The following MTBP variants were observed in gnomAD, a reference collection of about 807,000 sequenced individuals.
The protein encoded by MTBP is mdm2-binding protein.
A neutral mutation model predicts 117.0 loss-of-function variants in MTBP; 101 were observed. That is an observed-to-expected ratio of 0.86 (90% confidence interval 0.73 to 1.02). MTBP has a LOEUF of 1.02. Ranked by LOEUF, MTBP falls within the 50% of genes least tolerant of loss-of-function variation. The probability of loss-of-function intolerance (pLI) is 0.00; values close to 1 mark genes in which losing one functional copy is unlikely to be tolerated. For synonymous variants in MTBP, 350 were observed against 351.5 expected (o/e 1.00, Z 0.05); for missense variants, 970 against 1,030.9 (o/e 0.94, Z 0.81).
In MTBP at chr8:120,479,439, T is replaced by G. The variant is rs186351170; in HGVS notation, c.1165+8502T>G. ...TAGTCAACAAATATTTTTCTGTGCC[T>G]GCTGTGTGCAAGGTATTACTGTGGT... On this transcript the variant is annotated intron_variant, in intron 11 of 21. Transcript: ENST00000305949. 4.0e-3 allele frequency among the ~76,000 whole-genome samples: 611 copies of G among 152,332 alleles called. 4 individuals are homozygous for G. The highest frequency in any genetic ancestry group is 0.014 in the African/African-American group (584 of 41,576).
chr8:120,472,889 G>A (rs937961105), intron 11 of MTBP: 1 of 152,190 alleles, frequency 6.6e-6, no homozygotes, highest in Admixed American at 6.5e-5. Flanking sequence ...AATGTAGAAT[G>A]TTAGTTAGGA....
intron 17 of MTBP, among the ~76,000 whole-genome samples, chr8:120,513,708 G>C (rs1451887214): frequency 6.6e-6 from 1 of 151,890 alleles, no homozygotes; most frequent in Admixed American, 6.6e-5. Flanking sequence ...ATCAAAATAT[G>C]CATCTTTTCT....
intron 9 of MTBP, 52 bp downstream of exon 9, chr8:120,461,307 G>A (rs750836866): frequency 7.9e-7 from 1 of 1,267,822 alleles, no homozygotes; most frequent in Non-Finnish European, 1.1e-6. Context: ...GTGTCAGGTA[G>A]AATGTTCTGG....
At chr8:120,476,554 A>G (rs1813943726) in intron 11 of MTBP, among the ~76,000 whole-genome samples, 1 of 152,176 alleles carries the variant, frequency 6.6e-6, no homozygotes, top group African/African-American at 2.4e-5. Flanking sequence ...CAACTTCAGC[A>G]AAGTCTCAAG....
At chr8:120,465,557 G>A (rs1195193575) in intron 10 of MTBP, among the ~76,000 whole-genome samples, 1 of 150,814 alleles carries the variant, frequency 6.6e-6, no homozygotes, top group African/African-American at 2.4e-5. Context: ...TTCCTTAAAA[G>A]TATAAAGCGC....
rs1814609042 is a variant in MTBP at position 120,502,587 on chromosome 8, G to GA, written c.1711dup (p.Thr571AsnfsTer2). On this transcript the variant is annotated frameshift_variant, in exon 15 of 22. Coordinates refer to ENST00000305949, the MANE Select transcript of MTBP (RefSeq NM_022045.5). LOFTEE classifies it high-confidence loss of function. ...TGTTCTTCAAAATTTGGAAACTTTT[G>GA]AAAAAACTAAACAAAAAATGAGGTA... is the stretch of plus-strand genomic sequence containing the variant. The GA allele has an allele frequency of 3.1e-6, 5 of 1,599,328 alleles. No homozygotes were observed. The highest frequency in any genetic ancestry group is 4.3e-6 in the Non-Finnish European group (5 of 1,172,896).
At chr8:120,445,609 G>A (rs1158487609) in intron 1 of MTBP, 21 bp downstream of exon 1, 4 of 1,577,032 alleles carry the variant, frequency 2.5e-6, no homozygotes, top group Middle Eastern at 3.4e-4. Flanking sequence ...GGATGAGAAA[G>A]AGCGGGAACG....
intron 10 of MTBP, among the ~76,000 whole-genome samples, chr8:120,469,457 C>G (rs1813772610): frequency 6.6e-6 from 1 of 152,170 alleles, no homozygotes; most frequent in Non-Finnish European, 1.5e-5. Flanking sequence ...GATCATTGCT[C>G]TCAATTGGTT....
intron 17 of MTBP, among the ~76,000 whole-genome samples, chr8:120,513,644 A>T (rs1239742118): frequency 6.6e-6 from 1 of 152,050 alleles, no homozygotes; most frequent in Non-Finnish European, 1.5e-5. Context: ...CGGAAGAAAA[A>T]AATCTGCATC....
intron 11 of MTBP, among the ~76,000 whole-genome samples, chr8:120,482,427 A>C (rs1277109415): frequency 6.6e-6 from 1 of 152,110 alleles, no homozygotes; most frequent in Non-Finnish European, 1.5e-5. Flanking sequence ...CCAATCTTCT[A>C]TGCTTCTGTG....
At chr8:120,493,607 C>T (rs1362633816) in intron 13 of MTBP, among the ~76,000 whole-genome samples, 8 of 151,980 alleles carry the variant, frequency 5.3e-5, no homozygotes, top group Non-Finnish European at 1.2e-4. Context: ...TCTTGTTCTT[C>T]AGCCTCCCAA....
intron 10 of MTBP, among the ~76,000 whole-genome samples, chr8:120,463,971 C>T (rs1313326071): frequency 6.6e-6 from 1 of 151,990 alleles, no homozygotes; most frequent in Non-Finnish European, 1.5e-5. Flanking sequence ...ACATAAGTGA[C>T]ATTTTGTTTT....
At chr8:120,459,121 A>G (rs6984090) in intron 7 of MTBP, 94 bp from the exon 8 acceptor site, 926,131 of 1,080,694 alleles carry the variant, frequency 0.86, 400,780 homozygotes, top group Non-Finnish European at 0.89. Flanking sequence ...TTATACATGG[A>G]TTTCCCCTCA....
chr8:120,507,891 T>C (rs1421063101), intron 16 of MTBP, among the ~76,000 whole-genome samples: 2 of 152,152 alleles, frequency 1.3e-5, no homozygotes, highest in East Asian at 3.8e-4. Context: ...TATTTAGTTA[T>C]TGGATTACTG....
In MTBP at chr8:120,495,420, T is replaced by G. The variant is rs573770384; in HGVS notation, c.1448-1973T>G. On this transcript the variant is annotated intron_variant, in intron 13 of 21. Transcript: ENST00000305949. The stretch of plus-strand genomic sequence containing the variant: ...TACTCTGAGTCACACTGTGTTTATC[T>G]TTCCCATCTTCCCCACCAGCCCCAT... Among the ~76,000 whole-genome samples the G allele has an allele frequency of 3.1e-4, 47 of 152,306 alleles. No individual in the cohort carries two copies. The South Asian group carries it at 5.0e-3, about 16-fold the overall frequency.
At chr8:120,507,465 T>A (rs1009525958) in intron 16 of MTBP, among the ~76,000 whole-genome samples, 18 of 152,280 alleles carry the variant, frequency 1.2e-4, no homozygotes, top group East Asian at 3.9e-4. Flanking sequence ...AATTGTGACA[T>A]CAAATACCTG....
At chr8:120,514,757 C>G (rs1430301700) in intron 17 of MTBP, among the ~76,000 whole-genome samples, 2 of 151,974 alleles carry the variant, frequency 1.3e-5, no homozygotes, top group Non-Finnish European at 2.9e-5. Context: ...CTTGACTGCC[C>G]TGTTTGCATG....
Position 120,456,646 on chromosome 8 carries a change from G to GA in MTBP, c.727dup (p.Ile243AsnfsTer11). On this transcript the variant is annotated frameshift_variant, in exon 7 of 22. Coordinates refer to ENST00000305949, the MANE Select transcript of MTBP (RefSeq NM_022045.5). LOFTEE classifies it high-confidence loss of function. ...TTGACTCAAAGGAATTATGGAGGGGGAAAATACAGATATGGGAAAGAAAGG... is the reference window on the plus strand; with the variant it reads ...TTGACTCAAAGGAATTATGGAGGGGGAAAAATACAGATATGGGAAAGAAAGG... 6.3e-7 allele frequency: 1 copy of GA among 1,583,330 alleles called. No homozygotes were observed. The highest frequency in any genetic ancestry group is 1.1e-5 in the South Asian group (1 of 88,470).
chr8:120,490,169 T>C (rs1244790333), intron 12 of MTBP, among the ~76,000 whole-genome samples: 1 of 152,218 alleles, frequency 6.6e-6, no homozygotes, highest in East Asian at 1.9e-4. Context: ...TCCCTATCTG[T>C]GATTTCTGAT....
Sources: gnomAD v4.1 joint callset for allele counts (sites outside exome capture counted in the v4.1 genomes callset) on GRCh38, gnomAD v4.1.1 for gene constraint, MANE v1.5 for transcripts, NCBI Gene and HGNC (gene_info 2026-07-23, HGNC 2026-07-21) for gene names.